Variants in DNAH12 observed in about 807,000 individuals in gnomAD.
The protein encoded by DNAH12 is dynein axonemal heavy chain 12, also known as axonemal beta dynein heavy chain 12.
In DNAH12, 285 loss-of-function variants were observed where a neutral mutation model predicts 371.5. The observed-to-expected ratio is 0.77, with a 90% CI of 0.70 to 0.85. The LOEUF (loss-of-function observed/expected upper bound fraction) is 0.85. Ranked by LOEUF, DNAH12 falls within the 40% of genes least tolerant of loss-of-function variation. The probability of loss-of-function intolerance (pLI) is 0.00; values close to 1 mark genes in which losing one functional copy is unlikely to be tolerated. For missense variants in DNAH12, 3,611 were observed against 3,689.4 expected (o/e 0.98, Z 0.55); for synonymous variants, 1,200 against 1,213.0 (o/e 0.99, Z 0.22).
intron 55 of DNAH12, among the ~76,000 whole-genome samples, chr3:57,373,369 G>A (rs948339134): frequency 6.7e-6 from 1 of 150,184 alleles, no homozygotes; most frequent in Admixed American, 6.6e-5. Flanking sequence ...CAGCTGGAGT[G>A]CAGTGGCGCA....
At chr3:57,428,919 A>C in intron 33 of DNAH12, 98 bp from the exon 34 acceptor site, 2 of 1,231,742 alleles carry the variant, frequency 1.6e-6, no homozygotes, top group Non-Finnish European at 2.2e-6. Context: ...GATCCTTTAT[A>C]ATCTAGCTCC....
At chr3:57,489,738 A>AT in intron 11 of DNAH12, 51 bp from the exon 12 acceptor site, 1 of 1,418,660 alleles carries the variant, frequency 7.0e-7, no homozygotes, top group Non-Finnish European at 9.4e-7. Context: ...ACTTTCAGTG[A>AT]TTTTATAATA....
chr3:57,530,277 C>CT (rs891107280), intron 2 of DNAH12: 482 of 280,680 alleles, frequency 1.7e-3, no homozygotes, highest in Middle Eastern at 2.2e-3. Flanking sequence ...CTTTCTATGT[C>CT]TTTTTTTTTC....
intron 55 of DNAH12, 69 bp from the exon 56 acceptor site, chr3:57,368,329 TAATA>T (rs1274891737): frequency 6.6e-6 from 1 of 151,996 alleles, no homozygotes; most frequent in East Asian, 1.9e-4. Context: ...ATTATATAAA[TAATA>T]AACATCACCA....
At chr3:57,304,687 G>A (rs906725377) in intron 69 of DNAH12, among the ~76,000 whole-genome samples, 1 of 152,144 alleles carries the variant, frequency 6.6e-6, no homozygotes, top group Non-Finnish European at 1.5e-5. Flanking sequence ...TGACCACACA[G>A]GGATGCCTGC....
chr3:57,416,250 A>G (rs767773103), intron 37 of DNAH12, among the ~76,000 whole-genome samples: 1 of 152,002 alleles, frequency 6.6e-6, no homozygotes, highest in Non-Finnish European at 1.5e-5. Flanking sequence ...ACACCAGGCT[A>G]ATTTTTTTAC....
intron 13 of DNAH12, among the ~76,000 whole-genome samples, chr3:57,476,794 A>T (rs2066542912): frequency 6.6e-6 from 1 of 152,240 alleles, no homozygotes; most frequent in African/African-American, 2.4e-5. Flanking sequence ...AGTAAAATAT[A>T]GGTAAATAGG....
chr3:57,501,371 T>C lies in DNAH12; in HGVS notation c.1285A>G (p.Asn429Asp). Residue 429 changes from asparagine (N) to aspartate (D), a missense_variant, in exon 11 of 74, where the codon AAT becomes GAT. Asn to Asp is a conservative substitution (Grantham distance 23). This residue lies in a region of DNAH12 where 1,314 missense variants were observed against 1,398.7 expected (regional missense o/e 0.94). Coordinates refer to ENST00000495027, the MANE Select transcript of DNAH12 (RefSeq NM_001366028.2). ...NWLLDGTAVE[N>D]IETFQTEDHT... The stretch of plus-strand genomic sequence containing the variant: ...TCTTCTGTCTGAAAAGTCTCTATAT[T>C]CTCAACTGCAGTCCCATCAAGGAGC... The C allele has an allele frequency of 6.3e-7, 1 of 1,596,076 alleles. No homozygotes were observed. The highest frequency in any genetic ancestry group is 1.4e-5 in the African/African-American group (1 of 73,852).
At chr3:57,511,732 C>A (rs2068006249) in intron 4 of DNAH12, among the ~76,000 whole-genome samples, 1 of 152,006 alleles carries the variant, frequency 6.6e-6, no homozygotes, top group South Asian at 2.1e-4. Flanking sequence ...ATAGACAGAC[C>A]AGTAGAAAAC....
chr3:57,299,893 G>A (rs1462438594), intron 70 of DNAH12, among the ~76,000 whole-genome samples: 4 of 152,220 alleles, frequency 2.6e-5, no homozygotes, highest in African/African-American at 9.7e-5. Context: ...AGGGTGAACA[G>A]TGAGAGAGAA....
At chr3:57,362,738 G>A (rs1159734142) in intron 58 of DNAH12, among the ~76,000 whole-genome samples, 2 of 152,074 alleles carry the variant, frequency 1.3e-5, no homozygotes, top group Non-Finnish European at 2.9e-5. Context: ...TTGTAAATTT[G>A]TTTAAGTTCT....
chr3:57,403,370 T>C lies in DNAH12; in HGVS notation c.6887A>G (p.His2296Arg), dbSNP rs1575551067. 16 of 1,551,346 alleles carry C rather than the reference T, an allele frequency of 1.0e-5. No homozygotes were observed. The highest frequency in any genetic ancestry group is 8.2e-5 in the African/African-American group (6 of 73,186). The change falls in exon 43 of 74, where the codon CAT becomes CGT. Residue 2296 changes from histidine to arginine, a missense_variant. Coordinates refer to ENST00000495027, the MANE Select transcript of DNAH12 (RefSeq NM_001366028.2). ...CTTAGAAATTTCTGGTTGGAAAATA[T>C]GCATTTTTGCCATGGATGTAGCCAG... ...TRLATSMAKMHIFQPEISKSY... is the reference protein window; with the variant it reads ...TRLATSMAKMRIFQPEISKSY...
chr3:57,455,333 G>A (rs1422416466), intron 22 of DNAH12, among the ~76,000 whole-genome samples: 1 of 151,976 alleles, frequency 6.6e-6, no homozygotes, highest in South Asian at 2.1e-4. Flanking sequence ...GGGAGGCCGA[G>A]GCAATGGATC....
chr3:57,438,296 A>G (rs1376518144), intron 29 of DNAH12, among the ~76,000 whole-genome samples: 1 of 151,826 alleles, frequency 6.6e-6, no homozygotes, highest in African/African-American at 2.4e-5. Flanking sequence ...GGGCAACAAG[A>G]GCGAAACTTC....
chr3:57,406,894 CAA>C (rs1366556125), intron 40 of DNAH12, among the ~76,000 whole-genome samples: 1 of 151,848 alleles, frequency 6.6e-6, no homozygotes, highest in African/African-American at 2.4e-5. Context: ...AAAAGGAAAA[CAA>C]AAAAACTTTT....
intron 22 of DNAH12, among the ~76,000 whole-genome samples, chr3:57,455,425 C>T: frequency 6.6e-6 from 1 of 151,452 alleles, no homozygotes; most frequent in East Asian, 1.9e-4. Flanking sequence ...AAAAAAATAG[C>T]TGGGCATGGT....
chr3:57,530,389 A>G, intron 2 of DNAH12: 2 of 535,136 alleles, frequency 3.7e-6, no homozygotes, highest in Non-Finnish European at 6.9e-6. Context: ...TAAAACTCCA[A>G]CTCCCAGGCC....
At chr3:57,478,549 A>G (rs147891039) in intron 13 of DNAH12, among the ~76,000 whole-genome samples, 1,620 of 152,306 alleles carry the variant, frequency 0.011, 19 homozygotes, top group African/African-American at 0.037. Context: ...GCAGGCCAAC[A>G]TTCAAATTCA....
chr3:57,520,205 G>T (rs980160572), intron 4 of DNAH12, among the ~76,000 whole-genome samples: 4 of 151,612 alleles, frequency 2.6e-5, no homozygotes, highest in South Asian at 2.1e-4. Flanking sequence ...GTCTGCCTCC[G>T]GAGTTCAAGC....
Sources: allele counts gnomAD v4.1 joint callset (sites outside exome capture counted in the v4.1 genomes callset), GRCh38; gene constraint gnomAD v4.1.1; regional missense constraint gnomAD v4.1.1; transcripts MANE v1.5; gene names NCBI Gene and HGNC (gene_info 2026-07-23, HGNC 2026-07-21).